Variants in FNDC3A observed in about 807,000 individuals in gnomAD.
The protein encoded by FNDC3A is fibronectin type-III domain-containing protein 3A.
Under a neutral mutation model 148.9 loss-of-function variants are expected in FNDC3A, and 32 were observed. The ratio of observed to expected loss-of-function variants is 0.21; its 90% CI spans 0.16 to 0.29. FNDC3A has a LOEUF of 0.29. Among genes scored for constraint, FNDC3A ranks in the 10% least tolerant of loss-of-function variants. The pLI is 1.00. For missense variants in FNDC3A, 1,191 were observed against 1,452.8 expected (o/e 0.82, Z 2.93); for synonymous variants, 472 against 473.6 (o/e 1.00, Z 0.04).
At position 49,181,402 on chromosome 13, in the gene FNDC3A, C is replaced by T. The variant is rs368383680; in HGVS notation, c.1617+2748C>T. ...TAAATTCTCTGGCCCTGCCCCTCCC[C>T]ACCCCCATCTACTAAATTAGAAATT... is the stretch of plus-strand genomic sequence containing the variant. On this transcript the variant is annotated intron_variant, in intron 14 of 25. Coordinates refer to ENST00000492622, the MANE Select transcript of FNDC3A (RefSeq NM_001079673.2). Among the ~76,000 whole-genome samples, 12 of 152,322 alleles carry T rather than the reference C, an allele frequency of 7.9e-5. No individual in the cohort carries two copies. The East Asian group carries it at 1.3e-3, about 17-fold the overall frequency.
At chr13:49,074,095 A>T (rs1465551275) in intron 2 of FNDC3A, among the ~76,000 whole-genome samples, 2 of 151,900 alleles carry the variant, frequency 1.3e-5, no homozygotes, top group Non-Finnish European at 2.9e-5. Flanking sequence ...GTTACTTTTT[A>T]TTTCCATAGG....
intron 15 of FNDC3A, 54 bp from the exon 16 acceptor site, chr13:49,187,068 T>G: frequency 7.4e-7 from 1 of 1,347,230 alleles, no homozygotes; most frequent in Non-Finnish European, 1.0e-6. Context: ...GTTTTTTTTA[T>G]CATTTTTATG....
At chr13:49,146,028 C>A in intron 8 of FNDC3A, 93 bp downstream of exon 8, 1 of 890,564 alleles carries the variant, frequency 1.1e-6, no homozygotes, top group Non-Finnish European at 1.7e-6. Flanking sequence ...TTTCCTTCTT[C>A]ACGCTTTTAT....
At chr13:48,989,942 G>C (rs891300535) in intron 1 of FNDC3A, among the ~76,000 whole-genome samples, 5 of 152,072 alleles carry the variant, frequency 3.3e-5, no homozygotes, top group Non-Finnish European at 7.4e-5. Flanking sequence ...AGTAGAGATG[G>C]AGTTTCACCA....
chr13:49,129,152 GT>G (rs1401057477), intron 4 of FNDC3A, among the ~76,000 whole-genome samples: 1 of 152,186 alleles, frequency 6.6e-6, no homozygotes, highest in East Asian at 1.9e-4. Context: ...GAAAAATAGT[GT>G]TTTAAATGAG....
At chr13:49,185,113 T>C (rs1408075808) in intron 14 of FNDC3A, among the ~76,000 whole-genome samples, 2 of 133,508 alleles carry the variant, frequency 1.5e-5, no homozygotes, top group African/African-American at 5.1e-5. Flanking sequence ...GAAGAAAAAA[T>C]CATGGTTTGA....
At chr13:49,045,727 C>T in intron 2 of FNDC3A, 2 of 1,035,892 alleles carry the variant, frequency 1.9e-6, no homozygotes, top group Non-Finnish European at 2.8e-6. Flanking sequence ...TTTTCAAAAA[C>T]CCTGTCAGGA....
intron 25 of FNDC3A, among the ~76,000 whole-genome samples, chr13:49,206,794 A>C (rs1886670589): frequency 6.6e-6 from 1 of 152,234 alleles, no homozygotes; most frequent in Non-Finnish European, 1.5e-5. Context: ...AAAATGCTTG[A>C]GGACCGATTT....
chr13:49,045,734 AG>A, intron 2 of FNDC3A: 1 of 961,932 alleles, frequency 1.0e-6, no homozygotes, highest in Non-Finnish European at 1.5e-6. Context: ...AAACCCTGTC[AG>A]GATGTTTTCT....
intron 2 of FNDC3A, among the ~76,000 whole-genome samples, chr13:49,027,626 A>T (rs1473158255): frequency 6.6e-6 from 1 of 152,198 alleles, no homozygotes; most frequent in Non-Finnish European, 1.5e-5. Flanking sequence ...ATTGGAATTA[A>T]TTGGATCAAC....
intron 7 of FNDC3A, 74 bp downstream of exon 7, chr13:49,138,879 G>T: frequency 1.2e-6 from 1 of 838,770 alleles, no homozygotes; most frequent in Non-Finnish European, 1.8e-6. Context: ...TCAAAATGTA[G>T]TTTTTTTCTT....
chr13:49,160,246 C>A (rs149467327), intron 8 of FNDC3A, among the ~76,000 whole-genome samples: 52 of 152,240 alleles, frequency 3.4e-4, no homozygotes, highest in African/African-American at 1.2e-3. Context: ...TCCATCTGGT[C>A]CTGGGCTTTT....
intron 2 of FNDC3A, among the ~76,000 whole-genome samples, chr13:49,063,092 G>A (rs148865831): frequency 4.6e-4 from 70 of 152,200 alleles, no homozygotes; most frequent in African/African-American, 1.6e-3. Flanking sequence ...GAATTCTGCA[G>A]CACAACTAGT....
At chr13:49,085,526 A>G (rs745350002) in intron 3 of FNDC3A, among the ~76,000 whole-genome samples, 8 of 152,188 alleles carry the variant, frequency 5.3e-5, no homozygotes, top group Non-Finnish European at 1.2e-4. Flanking sequence ...TTGATACTTC[A>G]GGGCTTTGAT....
At chr13:49,100,667 A>C (rs1247132951) in intron 3 of FNDC3A, among the ~76,000 whole-genome samples, 1 of 152,008 alleles carries the variant, frequency 6.6e-6, no homozygotes, top group Admixed American at 6.6e-5. Context: ...ATCCGTTCTT[A>C]ATTTCTTCTT....
chr13:49,205,973 C>T (rs1422065040), intron 25 of FNDC3A, among the ~76,000 whole-genome samples: 6 of 152,168 alleles, frequency 3.9e-5, no homozygotes, highest in Non-Finnish European at 8.8e-5. Context: ...ATTGAGGCAG[C>T]TAAAAGTACT....
At chr13:49,167,719 A>G (rs1376514859) in intron 9 of FNDC3A, among the ~76,000 whole-genome samples, 1 of 152,114 alleles carries the variant, frequency 6.6e-6, no homozygotes, top group African/African-American at 2.4e-5. Flanking sequence ...CAAAAAAAAA[A>G]ACTTTGCAGA....
intron 2 of FNDC3A, chr13:49,044,018 C>T (rs1018738984): frequency 6.5e-6 from 1 of 152,866 alleles, no homozygotes; most frequent in African/African-American, 2.4e-5. Flanking sequence ...TTTCAAAAAC[C>T]ACTGAATAAA....
intron 7 of FNDC3A, among the ~76,000 whole-genome samples, chr13:49,141,502 C>G (rs1010617349): frequency 6.6e-6 from 1 of 151,994 alleles, no homozygotes; most frequent in Non-Finnish European, 1.5e-5. Flanking sequence ...CAGAATTATT[C>G]TCTCACCTCC....
Sources: gnomAD v4.1 joint callset for allele counts (sites outside exome capture counted in the v4.1 genomes callset) on GRCh38, gnomAD v4.1.1 for gene constraint, MANE v1.5 for transcripts, NCBI Gene and HGNC (gene_info 2026-07-23, HGNC 2026-07-21) for gene names.